CLOCK: variants seen among roughly 807,000 people sequenced by gnomAD.
CLOCK encodes the protein clock circadian regulator, also known as circadian locomoter output cycles protein kaput.
In CLOCK, 43 loss-of-function variants were observed where a neutral mutation model predicts 118.4. That is an observed-to-expected ratio of 0.36 (90% CI 0.28 to 0.47). The LOEUF is 0.47. Ranked by LOEUF, CLOCK falls within the 20% of genes least tolerant of loss-of-function variation. The pLI, the probability that CLOCK is intolerant of heterozygous loss-of-function variation, is 1.00. For missense variants in CLOCK, 846 were observed against 999.9 expected, an observed-to-expected ratio of 0.85 and a Z score of 2.08; for synonymous variants, 326 against 339.2, an observed-to-expected ratio of 0.96 and a Z score of 0.43.
intron 1 of CLOCK, among the ~76,000 whole-genome samples, chr4:55,537,255 G>A (rs1389703526): frequency 6.6e-6 from 1 of 152,154 alleles, no homozygotes; most frequent in Non-Finnish European, 1.5e-5. Flanking sequence ...GCCAAGGAAA[G>A]AGGATTGCTT....
intron 1 of CLOCK, chr4:55,540,974 A>C (rs1363606272): frequency 2.6e-5 from 4 of 152,266 alleles, no homozygotes; most frequent in Admixed American, 6.5e-5. Context: ...ATTATATCCG[A>C]AACAGCATAC....
In CLOCK at chr4:55,430,845, G is replaced by A. The variant is rs1281302199; in HGVS notation, c.*4570C>T. The A allele has an allele frequency of 1.3e-5, 2 of 152,140 alleles. No individual in the cohort carries two copies. The highest frequency in any genetic ancestry group is 1.3e-4 in the Admixed American group (2 of 15,270). The allele number at this position is 152,140 out of a possible 1,614,324, so 9.4% of individuals were successfully genotyped here. On this transcript the variant is annotated 3_prime_UTR_variant, in exon 23 of 23. Coordinates refer to ENST00000513440, the MANE Select transcript of CLOCK (RefSeq NM_004898.4). ...GTCTCTTTTGGTGTCCACACAATAG[G>A]CAAGATAGGTTTACAATAGTGTTTA...
chr4:55,429,113 T>C lies in CLOCK; in HGVS notation c.*6302A>G, dbSNP rs1203257607. 6.6e-6 allele frequency: 1 copy of C among 152,084 alleles called. No homozygotes were observed. 9.4% of individuals were successfully genotyped at this position (152,084 alleles called of 1,614,324 possible). A position where few individuals can be genotyped will look rare whatever the true frequency, so the allele number is the denominator to read the frequency against. On this transcript the variant is annotated 3_prime_UTR_variant, in exon 23 of 23. Transcript: ENST00000513440. ...CTACTGGCATAACCATTGCCAGCAG[T>C]GAACTTGCACTAGTCCAAGCCAACT...
intron 13 of CLOCK, 98 bp from the exon 14 acceptor site, chr4:55,453,922 C>T: frequency 1.1e-6 from 1 of 913,754 alleles, no homozygotes. Context: ...TTTACACATA[C>T]TATTATTTTT....
chr4:55,526,105 C>T (rs552678522), intron 1 of CLOCK, among the ~76,000 whole-genome samples: 12 of 152,104 alleles, frequency 7.9e-5, no homozygotes, highest in Middle Eastern at 3.4e-3. Flanking sequence ...TGAAAAAATA[C>T]GAAATCCGAA....
Position 55,479,514 on chromosome 4 carries a change from C to T in CLOCK, c.107+126G>A, listed in dbSNP as rs114922525. ...TACATACCAATATTCTAAGTTCTTCCACCTTGCTAATATATCTAAACTCCT... is the reference window on the plus strand; with the variant it reads ...TACATACCAATATTCTAAGTTCTTCTACCTTGCTAATATATCTAAACTCCT... On this transcript the variant is annotated intron_variant, in intron 5 of 22. Transcript: ENST00000513440. The T allele has an allele frequency of 1.5e-3, 1,153 of 744,886 alleles. 9 individuals are homozygous for T. The African/African-American group carries it at 0.019, about 12-fold the overall frequency. 46.1% of individuals were successfully genotyped at this position (744,886 alleles called of 1,614,324 possible).
chr4:55,518,423 TTCC>T (rs1729654663), intron 1 of CLOCK, among the ~76,000 whole-genome samples: 1 of 152,214 alleles, frequency 6.6e-6, no homozygotes, highest in Non-Finnish European at 1.5e-5. Flanking sequence ...ATTTATTGTT[TTCC>T]TCATGACACT....
chr4:55,448,952 G>A (rs778299046), intron 17 of CLOCK, 84 bp from the exon 18 acceptor site: 30 of 1,065,800 alleles, frequency 2.8e-5, no homozygotes, highest in Middle Eastern at 2.0e-4. Context: ...TATGATATTC[G>A]TATTAATAAA....
chr4:55,539,572 C>CAAAAAAAA (rs57022769), intron 1 of CLOCK, among the ~76,000 whole-genome samples: 5 of 52,064 alleles, frequency 9.6e-5, no homozygotes, highest in Non-Finnish European at 1.6e-4. Flanking sequence ...GACCTTGTCT[C>CAAAAAAAA]AAAAAAAAAA....
intron 2 of CLOCK, among the ~76,000 whole-genome samples, chr4:55,508,786 G>A (rs962080282): frequency 2.0e-5 from 3 of 152,058 alleles, no homozygotes; most frequent in African/African-American, 7.2e-5. Flanking sequence ...TAGAGACGGA[G>A]TTTCACCGTG....
Position 55,536,036 on chromosome 4 carries a change from T to G in CLOCK, c.-290+10746A>C, listed in dbSNP as rs545080305. 6.6e-5 allele frequency among the ~76,000 whole-genome samples: 10 copies of G among 152,186 alleles called. No homozygotes were observed. The South Asian group carries it at 1.9e-3, about 29-fold the overall frequency. On this transcript the variant is annotated intron_variant, in intron 1 of 22. Coordinates refer to ENST00000513440, the MANE Select transcript of CLOCK (RefSeq NM_004898.4). ...AATAACAACACTAGGAGACTAATTC[T>G]CCTAAAAAGTTTCACGCAAGGACCT...
chr4:55,493,408 C>T (rs1481537142), intron 2 of CLOCK, among the ~76,000 whole-genome samples: 1 of 152,130 alleles, frequency 6.6e-6, no homozygotes, highest in Non-Finnish European at 1.5e-5. Flanking sequence ...GATCTATTAA[C>T]ATTAATTAAA....
At chr4:55,527,513 CCTT>C (rs1260298587) in intron 1 of CLOCK, among the ~76,000 whole-genome samples, 6 of 151,782 alleles carry the variant, frequency 4.0e-5, no homozygotes, top group Non-Finnish European at 8.8e-5. Context: ...CCAAATAATA[CCTT>C]TTTTAAAAAA....
chr4:55,504,259 C>A (rs573484323), intron 2 of CLOCK, among the ~76,000 whole-genome samples: 2 of 125,796 alleles, frequency 1.6e-5, no homozygotes, highest in African/African-American at 3.0e-5. Flanking sequence ...GCACTCCAGC[C>A]TGGGCGACAC....
intron 1 of CLOCK, among the ~76,000 whole-genome samples, chr4:55,537,200 C>T (rs952285118): frequency 3.3e-5 from 5 of 152,120 alleles, no homozygotes; most frequent in Non-Finnish European, 5.9e-5. Flanking sequence ...AAACTGGAAA[C>T]GGCCAGGAGT....
At chr4:55,456,099 A>C in intron 12 of CLOCK, 96 bp from the exon 13 acceptor site, 13 of 1,352,790 alleles carry the variant, frequency 9.6e-6, no homozygotes, top group Non-Finnish European at 1.2e-5. Context: ...TTTATTTTTC[A>C]AAAAATGGGA....
intron 22 of CLOCK, among the ~76,000 whole-genome samples, chr4:55,436,909 T>A (rs1722921783): frequency 6.6e-6 from 1 of 151,396 alleles, no homozygotes; most frequent in South Asian, 2.1e-4. Flanking sequence ...TTTTTTTTTT[T>A]TTTGAGAATG....
intron 1 of CLOCK, among the ~76,000 whole-genome samples, chr4:55,537,080 A>G (rs7696832): frequency 0.34 from 51,412 of 152,166 alleles, 9,387 homozygotes; most frequent in East Asian, 0.58. Context: ...GAAAATCCTC[A>G]AATATTTGAA....
At chr4:55,526,067 A>T (rs949392524) in intron 1 of CLOCK, among the ~76,000 whole-genome samples, 1 of 152,214 alleles carries the variant, frequency 6.6e-6, no homozygotes, top group African/African-American at 2.4e-5. Flanking sequence ...TACTCAACTG[A>T]AAAGTATACT....
Sources: allele counts gnomAD v4.1 joint callset (sites outside exome capture counted in the v4.1 genomes callset), GRCh38; gene constraint gnomAD v4.1.1; transcripts MANE v1.5; gene names NCBI Gene and HGNC (gene_info 2026-07-23, HGNC 2026-07-21).